Variants in DLGAP3 observed in about 807,000 individuals in gnomAD.
DLGAP3 encodes DLG associated protein 3.
Under a neutral mutation model 81.2 loss-of-function variants are expected in DLGAP3, and 17 were observed. The observed-to-expected ratio is 0.21, with a 90% CI of 0.14 to 0.31. DLGAP3 has a LOEUF of 0.31. DLGAP3 is among the 10% of genes least tolerant of loss of function. The probability of loss-of-function intolerance (pLI) is 1.00; values close to 1 mark genes in which losing one functional copy is unlikely to be tolerated. For missense variants in DLGAP3, 1,124 were observed against 1,388.0 expected, an observed-to-expected ratio of 0.81 and a Z score of 3.02; for synonymous variants, 577 against 587.4, an observed-to-expected ratio of 0.98 and a Z score of 0.26.
intron 8 of DLGAP3, among the ~76,000 whole-genome samples, chr1:34,876,144 G>GA (rs1639053034): frequency 1.3e-5 from 2 of 152,190 alleles, no homozygotes; most frequent in Admixed American, 1.3e-4. Flanking sequence ...GTGGACAGAT[G>GA]AATCTTGGCG....
chr1:34,905,504 C>T, intron 2 of DLGAP3, 70 bp from the exon 3 acceptor site: 1 of 1,057,756 alleles, frequency 9.5e-7, no homozygotes, highest in Non-Finnish European at 1.3e-6. Context: ...TTTTATTAGG[C>T]ATCCTTGTAT....
At chr1:34,867,000 G>A (rs1412068139) in intron 11 of DLGAP3, 48 bp downstream of exon 11, 1 of 1,610,108 alleles carries the variant, frequency 6.2e-7, no homozygotes, top group Non-Finnish European at 8.5e-7. Flanking sequence ...CTGGGGAGGG[G>A]AATTTCCCAG....
rs542377222 is a variant in DLGAP3, at chr1:34,902,045, C to T, written c.1108-1772G>A. Among the ~76,000 whole-genome samples the T allele has an allele frequency of 5.3e-5, 8 of 151,818 alleles. No individual in the cohort carries two copies. Among genetic ancestry groups the T allele is most frequent in the East Asian group, 1.9e-4 (1 of 5,156 alleles). ...TTTTCCTATGAGCCAAGGAAGGGGA[C>T]GAGGGTGGCTGGGAATTTGGATGCG... On this transcript the variant is annotated intron_variant, in intron 3 of 11. Coordinates refer to ENST00000373347, the MANE Select transcript of DLGAP3 (RefSeq NM_001080418.3). The surrounding 1 kb of genome is among the most constrained non-coding windows in gnomAD (Gnocchi z 4.4).
intron 8 of DLGAP3, among the ~76,000 whole-genome samples, chr1:34,870,899 A>G (rs1393094790): frequency 1.3e-5 from 2 of 152,182 alleles, no homozygotes; most frequent in East Asian, 3.9e-4. Flanking sequence ...CTCACCCTCC[A>G]TCTAGGTCAT....
chr1:34,878,311 AT>A (rs1180033383), intron 8 of DLGAP3, among the ~76,000 whole-genome samples: 8 of 152,232 alleles, frequency 5.3e-5, no homozygotes, highest in African/African-American at 1.9e-4. Flanking sequence ...TCTCAAAAAA[AT>A]AAAAATAAAA....
At chr1:34,882,456 C>T (rs113100144) in intron 8 of DLGAP3, among the ~76,000 whole-genome samples, 471 of 152,002 alleles carry the variant, frequency 3.1e-3, no homozygotes, top group African/African-American at 0.011. Flanking sequence ...CCAGCCTGGA[C>T]GACAAGAGCA....
intron 5 of DLGAP3, among the ~76,000 whole-genome samples, chr1:34,891,685 A>T (rs957659317): frequency 2.6e-5 from 4 of 152,260 alleles, no homozygotes; most frequent in African/African-American, 9.6e-5. Context: ...TCACACATAG[A>T]ACTATAGGCA....
intron 3 of DLGAP3, among the ~76,000 whole-genome samples, chr1:34,903,483 A>G (rs1238122429): frequency 6.6e-6 from 1 of 152,226 alleles, no homozygotes. Flanking sequence ...TTCTCCTAAA[A>G]TTACGGCAGG....
At chr1:34,920,593 G>A (rs1414532484) in intron 1 of DLGAP3, among the ~76,000 whole-genome samples, 1 of 152,158 alleles carries the variant, frequency 6.6e-6, no homozygotes, top group African/African-American at 2.4e-5. Context: ...CACTGCTGGT[G>A]TTCTACATCA....
chr1:34,893,533 C>A lies in DLGAP3; in HGVS notation c.1386+6136G>T, dbSNP rs1476293850. 3.9e-5 allele frequency among the ~76,000 whole-genome samples: 6 copies of A among 152,298 alleles called. No individual in the cohort carries two copies. In the South Asian group the frequency reaches 8.3e-4, roughly 21 times the overall value. On this transcript the variant is annotated intron_variant, in intron 5 of 11. Transcript: ENST00000373347. ...TTTTCCTCACTTCCTCTCTTAACTT[C>A]TTTAAAAGATGTAAGATTACACAAA...
rs1161807662 is a variant in DLGAP3, at chr1:34,885,850, G to A, written c.1601-59C>T. The A allele has an allele frequency of 3.7e-6, 5 of 1,347,036 alleles. No individual in the cohort carries two copies. The African/African-American group carries it at 4.5e-5, about 12-fold the overall frequency. The allele number at this position is 1,347,036 out of a possible 1,614,324, so 83.4% of individuals were successfully genotyped here. A position where few individuals can be genotyped will look rare whatever the true frequency, so the allele number is the denominator to read the frequency against. ...AGGCTCGCGGCCCTGCCTGGGTCCT[G>A]GGCCCGCGCCCGACTCCCACCCTCA... On this transcript the variant is annotated intron_variant, in intron 6 of 11. Coordinates refer to ENST00000373347, the MANE Select transcript of DLGAP3 (RefSeq NM_001080418.3).
rs1473967662 is a variant in DLGAP3 at position 34,868,105 on chromosome 1, C to T, written c.2486-478G>A. ...TCAACTCAGAGATTCTGGGGTAAGA[C>T]TGTGTCTCCCAGTGGATCTGACTTA... is the stretch of plus-strand genomic sequence containing the variant. On this transcript the variant is annotated intron_variant, in intron 9 of 11. Transcript: ENST00000373347. The surrounding 1 kb of genome is among the most constrained non-coding windows in gnomAD (Gnocchi z 7.5). Among the ~76,000 whole-genome samples, 1 of 152,214 alleles carries T rather than the reference C, an allele frequency of 6.6e-6. No homozygotes were observed.
rs1373591022 is a variant in DLGAP3 at position 34,866,056 on chromosome 1, C to T, written c.*27G>A. The T allele has an allele frequency of 6.3e-7, 1 of 1,575,544 alleles. No individual in the cohort carries two copies. The highest frequency in any genetic ancestry group is 1.1e-5 in the South Asian group (1 of 89,094). On this transcript the variant is annotated 3_prime_UTR_variant, in exon 12 of 12. Transcript: ENST00000373347. ...CAGTACGGGTGGAGAACCGCGGGCC[C>T]GGGCCGGGCTGGGCGGGCCGGACCG...
intron 5 of DLGAP3, among the ~76,000 whole-genome samples, chr1:34,894,572 GA>G (rs1222087911): frequency 6.6e-6 from 1 of 152,186 alleles, no homozygotes; most frequent in East Asian, 1.9e-4. Flanking sequence ...ACAGACAGAT[GA>G]CAAAAGAATA....
rs1569641336 is a variant in DLGAP3 at position 34,902,681 on chromosome 1, A to G, written c.1107+1596T>C. ...TTCCCCTTCCCCATTCTCTACAGAG[A>G]GCAGCAGGCAGGTGGAGAGAGGCAG... On this transcript the variant is annotated intron_variant, in intron 3 of 11. Transcript: ENST00000373347. The surrounding 1 kb of genome is among the most constrained non-coding windows in gnomAD (Gnocchi z 4.4). Among the ~76,000 whole-genome samples, 1 of 152,014 alleles carries G rather than the reference A, an allele frequency of 6.6e-6. No individual in the cohort carries two copies. Among genetic ancestry groups the G allele is most frequent in the African/African-American group, 2.4e-5 (1 of 41,382 alleles).
rs1313459847 is a variant in DLGAP3 at position 34,868,450 on chromosome 1, T to A, written c.2485+155A>T. Among the ~76,000 whole-genome samples the A allele has an allele frequency of 2.6e-5, 4 of 152,100 alleles. No individual in the cohort carries two copies. The highest frequency in any genetic ancestry group is 9.7e-5 in the African/African-American group (4 of 41,432). On this transcript the variant is annotated intron_variant, in intron 9 of 11. Transcript: ENST00000373347. This position sits in a 1 kb window ranked among gnomAD's most constrained non-coding sequence, Gnocchi z 7.5. ...AGCTCCCAGCATGTCTTGCTGCCGA[T>A]GTTGACCCGCCACGCTCCAGTGCAG...
intron 5 of DLGAP3, among the ~76,000 whole-genome samples, chr1:34,891,850 C>T (rs1639315733): frequency 6.6e-6 from 1 of 152,128 alleles, no homozygotes; most frequent in Admixed American, 6.5e-5. Context: ...CATCAGAGGC[C>T]ACATGTTGTA....
chr1:34,890,321 C>G (rs749228556), intron 5 of DLGAP3, among the ~76,000 whole-genome samples: 3 of 152,202 alleles, frequency 2.0e-5, no homozygotes, highest in Non-Finnish European at 4.4e-5. Context: ...TCATGCTTCT[C>G]ACAGATAAAT....
chr1:34,906,019 TATATA>T lies in DLGAP3; in HGVS notation c.-51-590_-51-586del, dbSNP rs1557492375. 4.5e-4 allele frequency among the ~76,000 whole-genome samples: 57 copies of T among 126,786 alleles called. 6 individuals carry two copies. The highest frequency in any genetic ancestry group is 1.3e-3 in the African/African-American group (45 of 35,456). 83.2% of individuals were successfully genotyped at this position (126,786 alleles called of 152,430 possible). A position where few individuals can be genotyped will look rare whatever the true frequency, so the allele number is the denominator to read the frequency against. On this transcript the variant is annotated intron_variant, in intron 2 of 11. Transcript: ENST00000373347. ...GAGCGAGACCTGGCCTCTAAATTTA[TATATA>T]TATATATATTTGTTTGTTTTTATAT...
Sources: allele counts gnomAD v4.1 joint callset (sites outside exome capture counted in the v4.1 genomes callset), GRCh38; gene constraint gnomAD v4.1.1; non-coding constraint Gnocchi (gnomAD v3.1); transcripts MANE v1.5; gene names NCBI Gene and HGNC (gene_info 2026-07-23, HGNC 2026-07-21).